ZNF613: variants seen among roughly 807,000 people sequenced by gnomAD.
The protein encoded by ZNF613 is zinc finger protein 613.
A neutral mutation model predicts 14.3 loss-of-function variants in ZNF613; 8 were observed. The ratio of observed to expected loss-of-function variants is 0.56; its 90% confidence interval spans 0.33 to 1.01. The LOEUF (loss-of-function observed/expected upper bound fraction) is 1.01, where lower values mean the gene tolerates loss of function less well. Ranked by LOEUF, ZNF613 falls within the 50% of genes least tolerant of loss-of-function variation. The pLI is 0.03. For missense variants in ZNF613, 656 were observed against 741.9 expected, an observed-to-expected ratio of 0.88 and a Z score of 1.35; for synonymous variants, 228 against 254.5, an observed-to-expected ratio of 0.90 and a Z score of 0.99.
chr19:51,941,403 T>C (rs1162389348), intron 5 of ZNF613, among the ~76,000 whole-genome samples: 1 of 152,214 alleles, frequency 6.6e-6, no homozygotes, highest in African/African-American at 2.4e-5. Context: ...AAGAGTGGTC[T>C]TGGATATCAG....
At position 51,935,845 on chromosome 19, in the gene ZNF613, A is replaced by G. The variant is rs116677373; in HGVS notation, c.-193-183A>G. Among the ~76,000 whole-genome samples the G allele has an allele frequency of 6.2e-3, 943 of 152,286 alleles. 9 individuals are homozygous for G. Among genetic ancestry groups the G allele is most frequent in the African/African-American group, 0.02 (851 of 41,554 alleles). ...AAGACAGTTTGTAAATGTATTGGCCATACCTGTAGAATCTTATGTTTTGTT... is the reference window on the plus strand; with the variant it reads ...AAGACAGTTTGTAAATGTATTGGCCGTACCTGTAGAATCTTATGTTTTGTT... On this transcript the variant is annotated intron_variant, in intron 2 of 5. Coordinates refer to ENST00000293471, the MANE Select transcript of ZNF613 (RefSeq NM_001031721.4).
intron 1 of ZNF613, 26 bp downstream of exon 1, chr19:51,927,566 G>A (rs1348629623): frequency 6.5e-6 from 1 of 152,736 alleles, no homozygotes; most frequent in African/African-American, 2.4e-5. Context: ...TGTCTGTCAG[G>A]ATGAGGGGAG....
At chr19:51,940,391 T>C (rs886266108) in intron 4 of ZNF613, 56 bp downstream of exon 4, 2 of 1,612,366 alleles carry the variant, frequency 1.2e-6, no homozygotes, top group African/African-American at 2.7e-5. Flanking sequence ...GCCTTTGCTT[T>C]CTCAGCTTTC....
intron 3 of ZNF613, among the ~76,000 whole-genome samples, chr19:51,938,011 A>T (rs766450352): frequency 1.3e-5 from 2 of 151,984 alleles, no homozygotes; most frequent in Non-Finnish European, 2.9e-5. Context: ...GATTACAGGC[A>T]TGAGCCACCA....
At chr19:51,928,656 T>C (rs2085237533) in intron 1 of ZNF613, among the ~76,000 whole-genome samples, 1 of 151,600 alleles carries the variant, frequency 6.6e-6, no homozygotes, top group Non-Finnish European at 1.5e-5. Context: ...AGCCTAGAAG[T>C]TGGAGATCAG....
intron 1 of ZNF613, chr19:51,927,986 G>A (rs1482946658): frequency 2.0e-5 from 3 of 147,040 alleles, no homozygotes. Flanking sequence ...CGAGTAGCTG[G>A]GACTACAGGT....
rs778619650 is a variant in ZNF613, at chr19:51,945,076, A to T, written c.1193A>T (p.Lys398Ile). 1 of 1,614,180 alleles carries T rather than the reference A, an allele frequency of 6.2e-7. No homozygotes were observed. Among genetic ancestry groups the T allele is most frequent in the African/African-American group, 1.3e-5 (1 of 75,048 alleles). ...CATCAGCGAATTCATACTGGAGAAA[A>T]ACCCTATATATGCAATGAATGTGGA... Reference protein sequence around the residue: ...IVHQRIHTGEKPYICNECGKG... With the variant: ...IVHQRIHTGEIPYICNECGKG... Residue 398 changes from lysine to isoleucine, a missense_variant, in exon 6 of 6, where the codon AAA (lysine) becomes ATA (isoleucine). Lys to Ile is a moderately radical substitution (Grantham distance 102). Transcript: ENST00000293471.
chr19:51,938,156 C>A (rs1166401984), intron 3 of ZNF613, among the ~76,000 whole-genome samples: 1 of 151,454 alleles, frequency 6.6e-6, no homozygotes, highest in East Asian at 1.9e-4. Context: ...CAAGGTTACC[C>A]AAGGACCCAG....
chr19:51,930,647 G>A (rs116977672), intron 2 of ZNF613, among the ~76,000 whole-genome samples: 2,844 of 152,216 alleles, frequency 0.019, 46 homozygotes, highest in Admixed American at 0.022. Context: ...AGTATTTCAT[G>A]GTATGGATAT....
Position 51,936,180 on chromosome 19 carries a change from C to A in ZNF613, c.-41C>A. 1 of 1,589,674 alleles carries A rather than the reference C, an allele frequency of 6.3e-7. No homozygotes were observed. Among genetic ancestry groups the A allele is most frequent in the Non-Finnish European group, 8.5e-7 (1 of 1,170,744 alleles). ...GCAGCTCAAGGAGAGACTACAGACA[C>A]AGCATCCTACTTACTGGCTATTTCC... On this transcript the variant is annotated 5_prime_UTR_variant, in exon 3 of 6. Coordinates refer to ENST00000293471, the MANE Select transcript of ZNF613 (RefSeq NM_001031721.4).
Position 51,940,248 on chromosome 19 carries a change from T to G in ZNF613, c.55T>G (p.Trp19Gly). 6.2e-7 allele frequency: 1 copy of G among 1,613,750 alleles called. No homozygotes were observed. Among genetic ancestry groups the G allele is most frequent in the South Asian group, 1.1e-5 (1 of 91,068 alleles). The change falls in exon 4 of 6, where the codon TGG becomes GGG. Residue 19 changes from tryptophan (W) to glycine (G), a missense_variant. Physicochemically the swap from Trp to Gly is radical, Grantham distance 184. Coordinates refer to ENST00000293471, the MANE Select transcript of ZNF613 (RefSeq NM_001031721.4). ...TLEDVAVEFT[W>G]EEWQLLGPAQ... The stretch of plus-strand genomic sequence containing the variant: ...GGAGGATGTGGCTGTGGAGTTCACT[T>G]GGGAGGAGTGGCAGCTCCTCGGCCC...
rs1453416486 is a variant in ZNF613, at chr19:51,929,866, A to C, written c.-224A>C. On this transcript the variant is annotated 5_prime_UTR_variant, in exon 2 of 6. Coordinates refer to ENST00000293471, the MANE Select transcript of ZNF613 (RefSeq NM_001031721.4). Reference sequence around the variant, plus strand: ...CCAGCCACATTTATCCATCTTGTAAAATATTGCTTTGTTTTTTGGTGCATT... The same window carrying C: ...CCAGCCACATTTATCCATCTTGTAACATATTGCTTTGTTTTTTGGTGCATT... 6.6e-6 allele frequency: 1 copy of C among 152,066 alleles called. No individual in the cohort carries two copies. Among genetic ancestry groups the C allele is most frequent in the African/African-American group, 2.4e-5 (1 of 41,390 alleles). 9.4% of individuals were successfully genotyped at this position (152,066 alleles called of 1,614,324 possible).
Position 51,940,636 on chromosome 19 carries a change from A to C in ZNF613, c.162A>C (p.Pro54=), listed in dbSNP as rs1258865899. Residue 54 remains proline (P), a synonymous_variant, in exon 5 of 6, where the codon CCA becomes CCC. Transcript: ENST00000293471. ...GAACAGGGTATCAAGCCAGCAAACC[A>C]GATGCACTCTTCAAGTTGGAACAAG... ...LVSVGYQASK[P]DALFKLEQGE... 6.2e-7 allele frequency: 1 copy of C among 1,613,190 alleles called. No individual in the cohort carries two copies. Among genetic ancestry groups the C allele is most frequent in the African/African-American group, 1.3e-5 (1 of 74,872 alleles).
In ZNF613 at chr19:51,946,276, A is replaced by G. The variant is rs562649165; in HGVS notation, c.*539A>G. The stretch of plus-strand genomic sequence containing the variant: ...AATCTAACATCATTATATGGCAGAT[A>G]ATATACAGGATGTGTATTTTAGGAC... On this transcript the variant is annotated 3_prime_UTR_variant, in exon 6 of 6. Transcript: ENST00000293471. 1.3e-5 allele frequency: 2 copies of G among 156,948 alleles called. No individual in the cohort carries two copies. The highest frequency in any genetic ancestry group is 4.8e-5 in the African/African-American group (2 of 41,608). The allele number at this position is 156,948 out of a possible 1,614,324, so 9.7% of individuals were successfully genotyped here.
At chr19:51,932,440 G>T (rs1276935788) in intron 2 of ZNF613, among the ~76,000 whole-genome samples, 1 of 151,344 alleles carries the variant, frequency 6.6e-6, no homozygotes, top group Non-Finnish European at 1.5e-5. Flanking sequence ...TAGGATTACG[G>T]GCATGCGCCA....
Position 51,936,093 on chromosome 19 carries a change from G to C in ZNF613, c.-128G>C. The C allele has an allele frequency of 2.1e-6, 2 of 969,354 alleles. No homozygotes were observed. Among genetic ancestry groups the C allele is most frequent in the South Asian group, 3.7e-5 (2 of 54,026 alleles). The allele number at this position is 969,354 out of a possible 1,614,324, so 60.0% of individuals were successfully genotyped here. ...GGTGAGGAGGAGGTTCCAGGACCTG[G>C]ATACCATCCTTTGCAGGGATGTAAT... On this transcript the variant is annotated 5_prime_UTR_variant, in exon 3 of 6. Coordinates refer to ENST00000293471, the MANE Select transcript of ZNF613 (RefSeq NM_001031721.4).
intron 3 of ZNF613, among the ~76,000 whole-genome samples, chr19:51,937,505 G>A (rs578192467): frequency 6.6e-6 from 1 of 152,154 alleles, no homozygotes; most frequent in Non-Finnish European, 1.5e-5. Flanking sequence ...GGAACCTAAT[G>A]TGTGACCGGA....
At chr19:51,932,438 C>T (rs1216902031) in intron 2 of ZNF613, among the ~76,000 whole-genome samples, 10 of 149,582 alleles carry the variant, frequency 6.7e-5, no homozygotes, top group South Asian at 2.2e-4. Flanking sequence ...GCTAGGATTA[C>T]GGGCATGCGC....
Position 51,940,683 on chromosome 19 carries a change from A to G in ZNF613, c.209A>G (p.Asn70Ser), listed in dbSNP as rs772125476. 5 of 1,613,426 alleles carry G rather than the reference A, an allele frequency of 3.1e-6. 1 individual carries two copies. In the South Asian group the frequency reaches 4.4e-5, roughly 14 times the overall value. The change falls in exon 5 of 6, where the codon AAT (asparagine) becomes AGT (serine). Residue 70 changes from asparagine to serine, a missense_variant. Coordinates refer to ENST00000293471, the MANE Select transcript of ZNF613 (RefSeq NM_001031721.4). ...CAAGGAGAGCCATGGACAGTAGAAA[A>G]TGAAATCCACAGCCAAATCTGTCCA... ...LEQGEPWTVE[N>S]EIHSQICPEI...
Sources: allele counts gnomAD v4.1 joint callset (sites outside exome capture counted in the v4.1 genomes callset), GRCh38; gene constraint gnomAD v4.1.1; transcripts MANE v1.5; gene names NCBI Gene and HGNC (gene_info 2026-07-23, HGNC 2026-07-21).